SOX6: variants seen among roughly 807,000 people sequenced by gnomAD.
The protein encoded by SOX6 is SRY-box transcription factor 6.
SOX6 carries 11 observed loss-of-function variants against 97.8 expected under a neutral mutation model. The ratio of observed to expected loss-of-function variants is 0.11; its 90% confidence interval spans 0.07 to 0.19. SOX6 has a LOEUF of 0.19. Ranked by LOEUF, SOX6 falls within the 10% of genes least tolerant of loss-of-function variation. The pLI is 1.00. For synonymous variants in SOX6, 360 were observed against 371.4 expected, an observed-to-expected ratio of 0.97 and a Z score of 0.35; for missense variants, 810 against 1,039.5, an observed-to-expected ratio of 0.78 and a Z score of 3.04.
intron 4 of SOX6, among the ~76,000 whole-genome samples, chr11:16,521,222 A>G (rs1861052569): frequency 6.6e-6 from 1 of 152,154 alleles, no homozygotes; most frequent in Admixed American, 6.5e-5. Context: ...CCTAACTGGG[A>G]GGCACCCCCA....
At chr11:16,710,360 G>A (rs1185148595) in intron 3 of SOX6, among the ~76,000 whole-genome samples, 1 of 152,136 alleles carries the variant, frequency 6.6e-6, no homozygotes, top group Non-Finnish European at 1.5e-5. Flanking sequence ...GAGAAGGTGA[G>A]AAAACTAAGA....
intron 1 of SOX6, among the ~76,000 whole-genome samples, chr11:16,409,319 G>A (rs1858749222): frequency 6.6e-6 from 1 of 151,266 alleles, no homozygotes; most frequent in African/African-American, 2.4e-5. Context: ...AGAGGATTGG[G>A]GGAAAACAGC....
chr11:16,711,366 A>G (rs1286017519), intron 3 of SOX6, among the ~76,000 whole-genome samples: 1 of 151,954 alleles, frequency 6.6e-6, no homozygotes, highest in African/African-American at 2.4e-5. Context: ...CCGTCTCTAC[A>G]AGAAAAAAAA....
intron 4 of SOX6, among the ~76,000 whole-genome samples, chr11:16,509,022 TA>T (rs1172084415): frequency 1.3e-5 from 2 of 152,032 alleles, no homozygotes; most frequent in African/African-American, 4.8e-5. Context: ...CATATTTTGA[TA>T]AATACATTAA....
At chr11:16,091,763 T>TAAA (rs1289582216) in intron 9 of SOX6, among the ~76,000 whole-genome samples, 2 of 151,986 alleles carry the variant, frequency 1.3e-5, no homozygotes, top group Non-Finnish European at 2.9e-5. Context: ...AAATCTCCCC[T>TAAA]AAACTACACA....
chr11:16,306,613 T>TTTTTTTTTTTC lies in SOX6; in HGVS notation c.445+11832_445+11833insGAAAAAAAAAA, dbSNP rs1565081632. Among the ~76,000 whole-genome samples, 72 of 128,490 alleles carry TTTTTTTTTTTC rather than the reference T, an allele frequency of 5.6e-4. No individual in the cohort carries two copies. In the East Asian group the frequency reaches 6.4e-3, roughly 11 times the overall value. 84.3% of individuals were successfully genotyped at this position (128,490 alleles called of 152,430 possible). A position where few individuals can be genotyped will look rare whatever the true frequency, so the allele number is the denominator to read the frequency against. On this transcript the variant is annotated intron_variant, in intron 3 of 15. Transcript: ENST00000683767. ...GAGATTGTTACATCCTCAAATTTCTTTTTTTTTTTTTTTCTTTTTTTTTTT... is the reference window on the plus strand; with the variant it reads ...GAGATTGTTACATCCTCAAATTTCTTTTTTTTTTTTCTTTTTTTTTTTTTCTTTTTTTTTTT...
At chr11:16,017,393 T>G (rs1854920627) in intron 12 of SOX6, among the ~76,000 whole-genome samples, 1 of 152,002 alleles carries the variant, frequency 6.6e-6, no homozygotes, top group Admixed American at 6.6e-5. Flanking sequence ...ATGATAGAAA[T>G]TGTTTTGGGC....
chr11:16,033,470 G>A (rs1281168496), intron 12 of SOX6, among the ~76,000 whole-genome samples: 1 of 152,128 alleles, frequency 6.6e-6, no homozygotes, highest in Admixed American at 6.6e-5. Context: ...TTTCATTCCT[G>A]ATGTTTGCCT....
chr11:16,557,494 T>C (rs1010681056), intron 4 of SOX6, among the ~76,000 whole-genome samples: 3 of 151,848 alleles, frequency 2.0e-5, no homozygotes, highest in African/African-American at 7.2e-5. Context: ...ACCTTTCTTT[T>C]GTAAAGTTTC....
chr11:16,529,627 T>G (rs1013004429), intron 4 of SOX6, among the ~76,000 whole-genome samples: 5 of 152,162 alleles, frequency 3.3e-5, no homozygotes, highest in African/African-American at 1.2e-4. Context: ...TATATTTACC[T>G]ATCATGGCTT....
At chr11:16,499,330 G>A (rs1352575650) in intron 4 of SOX6, among the ~76,000 whole-genome samples, 6 of 152,024 alleles carry the variant, frequency 3.9e-5, no homozygotes, top group African/African-American at 1.4e-4. Flanking sequence ...GAAATTTATA[G>A]CACTAAATGC....
intron 2 of SOX6, among the ~76,000 whole-genome samples, chr11:16,336,904 T>C (rs536147020): frequency 6.6e-6 from 1 of 152,276 alleles, no homozygotes; most frequent in East Asian, 1.9e-4. Flanking sequence ...TTTATTCCAA[T>C]TTCAGCTCAA....
chr11:16,437,166 C>T (rs1565145564), intron 1 of SOX6, among the ~76,000 whole-genome samples: 1 of 151,656 alleles, frequency 6.6e-6, no homozygotes, highest in Non-Finnish European at 1.5e-5. Flanking sequence ...TTTTTAAGTC[C>T]TGGGTGGCTG....
rs887134079 is a variant in SOX6 at position 16,008,819 on chromosome 11, C to G, written c.1732+6123G>C. Among the ~76,000 whole-genome samples, 6 of 152,000 alleles carry G rather than the reference C, an allele frequency of 3.9e-5. No homozygotes were observed. In the East Asian group the frequency reaches 1.2e-3, roughly 29 times the overall value. ...AACTGTTTATATCCACAGTAAAATA[C>G]AGTTTTGTGATACTCATACAACAGA... On this transcript the variant is annotated intron_variant, in intron 13 of 15. Transcript: ENST00000683767.
At chr11:16,028,231 C>CT (rs1180013376) in intron 12 of SOX6, among the ~76,000 whole-genome samples, 1 of 150,988 alleles carries the variant, frequency 6.6e-6, no homozygotes, top group Non-Finnish European at 1.5e-5. Flanking sequence ...CTACATCTGA[C>CT]TTTTTTTCAT....
At position 16,283,089 on chromosome 11, in the gene SOX6, G is replaced by GTATATATATATATATATA. The variant is rs10581083; in HGVS notation, c.445+35339_445+35356dup. Among the ~76,000 whole-genome samples, 736 of 113,582 alleles carry GTATATATATATATATATA rather than the reference G, an allele frequency of 6.5e-3. 16 individuals carry two copies. The highest frequency in any genetic ancestry group is 8.3e-3 in the African/African-American group (239 of 28,656). The allele number at this position is 113,582 out of a possible 152,430, so 74.5% of individuals were successfully genotyped here. A position where few individuals can be genotyped will look rare whatever the true frequency, so the allele number is the denominator to read the frequency against. On this transcript the variant is annotated intron_variant, in intron 3 of 15. Transcript: ENST00000683767. ...TATATATGTAAATTATATATAATTT[G>GTATATATATATATATATA]TATATATATATATATATATATATAT...
intron 3 of SOX6, among the ~76,000 whole-genome samples, chr11:16,253,500 G>A (rs954323388): frequency 1.3e-4 from 20 of 152,034 alleles, no homozygotes; most frequent in African/African-American, 4.8e-4. Flanking sequence ...TGCAGACACA[G>A]GTGCATAATG....
Position 15,986,737 on chromosome 11 carries a change from G to A in SOX6, c.1967-317C>T, listed in dbSNP as rs116242932. ...ATCCACCTGCCTACCCTCTCAACAGGGATAAAAGGCTAAACCTCCTAAGCA... is the reference window on the plus strand; with the variant it reads ...ATCCACCTGCCTACCCTCTCAACAGAGATAAAAGGCTAAACCTCCTAAGCA... On this transcript the variant is annotated intron_variant, in intron 14 of 15. Transcript: ENST00000683767. 2.1e-3 allele frequency among the ~76,000 whole-genome samples: 321 copies of A among 152,208 alleles called. 2 individuals are homozygous for A. Among genetic ancestry groups the A allele is most frequent in the African/African-American group, 7.5e-3 (310 of 41,540 alleles).
intron 6 of SOX6, among the ~76,000 whole-genome samples, chr11:16,172,181 A>G (rs976030683): frequency 2.0e-5 from 3 of 151,984 alleles, no homozygotes; most frequent in Non-Finnish European, 4.4e-5. Flanking sequence ...AGAGACTAGG[A>G]AAAGGTGTTA....
Sources: gnomAD v4.1 joint callset for allele counts (sites outside exome capture counted in the v4.1 genomes callset) on GRCh38, gnomAD v4.1.1 for gene constraint, MANE v1.5 for transcripts, NCBI Gene and HGNC (gene_info 2026-07-23, HGNC 2026-07-21) for gene names.